The following TRPM3 variants were observed in gnomAD, a reference collection of about 807,000 sequenced individuals.
TRPM3 encodes transient receptor potential cation channel subfamily M member 3.
Under a neutral mutation model 181.2 loss-of-function variants are expected in TRPM3, and 77 were observed. The ratio of observed to expected loss-of-function variants is 0.42; its 90% CI spans 0.35 to 0.51. The LOEUF (loss-of-function observed/expected upper bound fraction) is 0.51, where lower values mean the gene tolerates loss of function less well. TRPM3 is among the 20% of genes least tolerant of loss of function. The pLI is 0.01. For missense variants in TRPM3, 1,759 were observed against 2,196.7 expected, an observed-to-expected ratio of 0.80 and a Z score of 3.98; for synonymous variants, 745 against 796.4, an observed-to-expected ratio of 0.94 and a Z score of 1.09.
chr9:70,930,765 T>C (rs1382877761), intron 1 of TRPM3, among the ~76,000 whole-genome samples: 1 of 152,094 alleles, frequency 6.6e-6, no homozygotes, highest in African/African-American at 2.4e-5. Context: ...CTTAAATACT[T>C]TTGGTAAAGG....
intron 1 of TRPM3, among the ~76,000 whole-genome samples, chr9:71,273,653 C>T (rs768040851): frequency 1.3e-5 from 2 of 152,146 alleles, no homozygotes; most frequent in Non-Finnish European, 2.9e-5. Flanking sequence ...TAATCCACTC[C>T]CCAAAGCGCC....
intron 7 of TRPM3, among the ~76,000 whole-genome samples, chr9:70,779,917 G>A (rs528802072): frequency 2.0e-5 from 3 of 152,200 alleles, no homozygotes; most frequent in African/African-American, 7.2e-5. Context: ...ATTTCTTCCA[G>A]GTACTATATG....
intron 1 of TRPM3, among the ~76,000 whole-genome samples, chr9:71,296,588 G>A (rs554972364): frequency 1.2e-4 from 19 of 152,250 alleles, no homozygotes; most frequent in African/African-American, 4.3e-4. Flanking sequence ...ATTAAGGAGG[G>A]CAGGAGGAAA....
intron 3 of TRPM3, among the ~76,000 whole-genome samples, chr9:70,854,853 T>C (rs1439402793): frequency 2.0e-5 from 3 of 152,204 alleles, no homozygotes; most frequent in Non-Finnish European, 4.4e-5. Flanking sequence ...CTAGTTGAAA[T>C]TGTACTTTTT....
intron 1 of TRPM3, among the ~76,000 whole-genome samples, chr9:71,130,146 TTAAA>T (rs1346086566): frequency 2.0e-5 from 3 of 152,178 alleles, no homozygotes; most frequent in Non-Finnish European, 4.4e-5. Flanking sequence ...CACAGAAAGA[TTAAA>T]TACTCAACCA....
At chr9:71,188,522 T>A (rs1340664306) in intron 1 of TRPM3, among the ~76,000 whole-genome samples, 1 of 151,924 alleles carries the variant, frequency 6.6e-6, no homozygotes, top group Non-Finnish European at 1.5e-5. Context: ...TTATTATAAA[T>A]ACTATAATGA....
At chr9:70,760,143 A>T (rs1446610265) in intron 8 of TRPM3, among the ~76,000 whole-genome samples, 1 of 151,958 alleles carries the variant, frequency 6.6e-6, no homozygotes, top group East Asian at 1.9e-4. Context: ...CCCATGAAAT[A>T]CCTAGAAAAG....
At chr9:71,092,384 C>A (rs531083742) in intron 1 of TRPM3, among the ~76,000 whole-genome samples, 6 of 152,116 alleles carry the variant, frequency 3.9e-5, no homozygotes, top group African/African-American at 1.4e-4. Context: ...TATGAGGAGA[C>A]ATGAATTTAT....
intron 1 of TRPM3, among the ~76,000 whole-genome samples, chr9:71,279,125 C>T (rs186722163): frequency 6.6e-6 from 1 of 150,514 alleles, no homozygotes; most frequent in Admixed American, 6.7e-5. Context: ...TGAAGAATAC[C>T]CCATAGTGGA....
In TRPM3 at chr9:70,787,330, T is replaced by C. The variant is rs761312339; in HGVS notation, c.974-3051A>G. On this transcript the variant is annotated intron_variant, in intron 6 of 25. Transcript: ENST00000677713. ...CAAACTGTCATCTTTTTCATAAACA[T>C]TGAATATATCTATGCTTCCAAATTC... is the stretch of plus-strand genomic sequence containing the variant. Among the ~76,000 whole-genome samples the C allele has an allele frequency of 9.5e-4, 145 of 152,306 alleles. 1 individual carries two copies. Among genetic ancestry groups the C allele is most frequent in the Non-Finnish European group, 1.3e-3 (90 of 68,006 alleles).
In TRPM3 at chr9:70,612,970, G is replaced by C. The variant is rs138067460; in HGVS notation, c.2527-2221C>G. 2.1e-3 allele frequency among the ~76,000 whole-genome samples: 324 copies of C among 152,316 alleles called. 3 individuals carry two copies. The highest frequency in any genetic ancestry group is 7.3e-3 in the African/African-American group (305 of 41,568). ...TGGGGATGGTGACTTTCCCAACAGA[G>C]CTATAGACATGTCCTGGGTCTGTGG... On this transcript the variant is annotated intron_variant, in intron 18 of 25. Transcript: ENST00000677713.
At chr9:71,418,884 A>G (rs2093681752) in intron 1 of TRPM3, among the ~76,000 whole-genome samples, 1 of 132,444 alleles carries the variant, frequency 7.6e-6, no homozygotes. Flanking sequence ...GTGTATATAT[A>G]TACACACATA....
chr9:71,252,667 GAA>G (rs775549063), intron 1 of TRPM3, among the ~76,000 whole-genome samples: 81 of 151,802 alleles, frequency 5.3e-4, no homozygotes, highest in Admixed American at 1.7e-3. Context: ...AAAAATAATA[GAA>G]AGACTTTTTC....
rs1017254704 is a variant in TRPM3 at position 70,577,953 on chromosome 9, T to C, written c.3223+13078A>G. On this transcript the variant is annotated intron_variant, in intron 22 of 25. Transcript: ENST00000677713. ...TTGTAACAGTACTGTAACCATTCAGTTCATAGTGACATTTTACTTCTGAAG... is the reference window on the plus strand; with the variant it reads ...TTGTAACAGTACTGTAACCATTCAGCTCATAGTGACATTTTACTTCTGAAG... Among the ~76,000 whole-genome samples the C allele has an allele frequency of 1.3e-4, 20 of 152,280 alleles. 2 individuals carry two copies. In the Middle Eastern group the frequency reaches 0.017, roughly 129 times the overall value.
chr9:70,633,410 T>C (rs1213340004), intron 12 of TRPM3, among the ~76,000 whole-genome samples: 1 of 152,146 alleles, frequency 6.6e-6, no homozygotes, highest in Non-Finnish European at 1.5e-5. Flanking sequence ...TACGATGGCA[T>C]GGAATGGGTA....
At chr9:71,013,458 C>G (rs1400184101) in intron 1 of TRPM3, among the ~76,000 whole-genome samples, 1 of 151,404 alleles carries the variant, frequency 6.6e-6, no homozygotes, top group African/African-American at 2.4e-5. Flanking sequence ...ACTTTGGAAG[C>G]TTTTGGGTTT....
intron 1 of TRPM3, among the ~76,000 whole-genome samples, chr9:70,999,462 T>G (rs966331400): frequency 6.6e-6 from 1 of 152,164 alleles, no homozygotes; most frequent in Non-Finnish European, 1.5e-5. Flanking sequence ...TTGGTTGGAT[T>G]CAGAGGAAGA....
At chr9:71,402,155 T>C (rs1263081370) in intron 1 of TRPM3, among the ~76,000 whole-genome samples, 1 of 152,228 alleles carries the variant, frequency 6.6e-6, no homozygotes, top group East Asian at 1.9e-4. Context: ...CCTGGCACTT[T>C]GCTGCTTACT....
chr9:70,963,211 A>G (rs191110071), intron 1 of TRPM3, among the ~76,000 whole-genome samples: 2 of 152,348 alleles, frequency 1.3e-5, no homozygotes, highest in African/African-American at 4.8e-5. Flanking sequence ...GGAAGGATAA[A>G]AGAGTCATCT....
Sources: allele counts gnomAD v4.1 joint callset (sites outside exome capture counted in the v4.1 genomes callset), GRCh38; gene constraint gnomAD v4.1.1; transcripts MANE v1.5; gene names NCBI Gene and HGNC (gene_info 2026-07-23, HGNC 2026-07-21).